OR2I1: variants seen among roughly 807,000 people sequenced by gnomAD.
OR2I1 encodes the protein olfactory receptor family 2 subfamily I member 1 (gene/pseudogene).
At chr6:29,555,815 C>A in the OR2I1 span, 1 of 1,297,978 alleles carries the variant, frequency 7.7e-7, no homozygotes, top group South Asian at 1.3e-5. Context: ...AAGATGTGTT[C>A]GTTGAGTAAG....
the OR2I1 span, among the ~76,000 whole-genome samples, chr6:29,552,139 T>C: frequency 5.3e-5 from 8 of 152,330 alleles, no homozygotes; most frequent in Non-Finnish European, 8.8e-5. Context: ...AACAAGACCC[T>C]TGGAGAATGA....
chr6:29,552,405 T>C, the OR2I1 span, among the ~76,000 whole-genome samples: 1 of 152,206 alleles, frequency 6.6e-6, no homozygotes, highest in Non-Finnish European at 1.5e-5. Context: ...CTACCCAACT[T>C]ATTCCTGATT....
chr6:29,556,186 T>C, the OR2I1 span: 23 of 1,612,980 alleles, frequency 1.4e-5, no homozygotes, highest in Non-Finnish European at 1.8e-5. Context: ...TGCCATAAGA[T>C]GAGAGGCTTC....
At chr6:29,556,368 C>T in the OR2I1 span, 1 of 1,595,710 alleles carries the variant, frequency 6.3e-7, no homozygotes, top group South Asian at 1.1e-5. Flanking sequence ...GTGAAAGCCA[C>T]AAGACAGTTA....
At chr6:29,551,531 T>G in the OR2I1 span, among the ~76,000 whole-genome samples, 3 of 152,370 alleles carry the variant, frequency 2.0e-5, no homozygotes, top group East Asian at 5.8e-4. Flanking sequence ...TTAGAGTTAA[T>G]AAATGAAAAG....
chr6:29,554,727 T>A, the OR2I1 span: 1 of 152,154 alleles, frequency 6.6e-6, no homozygotes, highest in Non-Finnish European at 1.5e-5. Flanking sequence ...CTGCAGGAGT[T>A]GGTTCTTGAG....
the OR2I1 span, among the ~76,000 whole-genome samples, chr6:29,551,783 C>T: frequency 6.6e-6 from 1 of 152,272 alleles, no homozygotes; most frequent in Non-Finnish European, 1.5e-5. Flanking sequence ...CAAGGTTTTC[C>T]AGCTAGAAAA....
chr6:29,556,193 C>T, the OR2I1 span: 2 of 1,613,088 alleles, frequency 1.2e-6, no homozygotes, highest in Non-Finnish European at 1.7e-6. Context: ...AGATGAGAGG[C>T]TTCTCCGTGG....
At chr6:29,557,405 C>T in the OR2I1 span, 1 of 152,184 alleles carries the variant, frequency 6.6e-6, no homozygotes, top group East Asian at 1.9e-4. Context: ...CTGGTTCTGG[C>T]TAGTTTACAG....
At chr6:29,555,846 T>G in the OR2I1 span, 1 of 1,556,186 alleles carries the variant, frequency 6.4e-7, no homozygotes, top group South Asian at 1.1e-5. Context: ...AAATAAGCTT[T>G]TTGACCCCTG....
At chr6:29,552,921 C>A in the OR2I1 span, 1 of 243,296 alleles carries the variant, frequency 4.1e-6, no homozygotes, top group Non-Finnish European at 7.8e-6. Flanking sequence ...CTTCTGGCCT[C>A]GTCTCCATTT....
At chr6:29,554,723 G>A in the OR2I1 span, 1 of 152,180 alleles carries the variant, frequency 6.6e-6, no homozygotes, top group African/African-American at 2.4e-5. Flanking sequence ...CCCCCTGCAG[G>A]AGTTGGTTCT....
chr6:29,555,179 A>C, the OR2I1 span: 3 of 152,238 alleles, frequency 2.0e-5, no homozygotes, highest in African/African-American at 7.2e-5. Flanking sequence ...GAATTGCTAG[A>C]TCCCTGTGGA....
At chr6:29,554,926 G>T in the OR2I1 span, 1 of 152,276 alleles carries the variant, frequency 6.6e-6, no homozygotes, top group Non-Finnish European at 1.5e-5. Context: ...CAGGAACAGG[G>T]ATCTCCTCAT....
the OR2I1 span, chr6:29,555,660 G>A: frequency 1.8e-6 from 1 of 565,368 alleles, no homozygotes; most frequent in South Asian, 2.6e-5. Flanking sequence ...ACTAGTCTCA[G>A]TAATACATTA....
the OR2I1 span, chr6:29,556,671 A>T: frequency 1.5e-5 from 5 of 325,450 alleles, no homozygotes; most frequent in Non-Finnish European, 2.8e-5. Context: ...AAACTTAGTC[A>T]TTGGGCCAAG....
chr6:29,556,163 T>G, the OR2I1 span: 2 of 1,613,006 alleles, frequency 1.2e-6, no homozygotes, highest in South Asian at 1.1e-5. Context: ...GTGGATGGTC[T>G]TCTCTTTGTC....
the OR2I1 span, among the ~76,000 whole-genome samples, chr6:29,551,657 G>A: frequency 6.6e-6 from 1 of 151,644 alleles, no homozygotes; most frequent in Non-Finnish European, 1.5e-5. Flanking sequence ...AAGGATGACA[G>A]TTAACAACTG....
At chr6:29,551,575 C>T in the OR2I1 span, among the ~76,000 whole-genome samples, 27 of 152,302 alleles carry the variant, frequency 1.8e-4, no homozygotes, top group South Asian at 4.1e-3. Context: ...GTATCACTGC[C>T]TAGCATAAGA....
Sources: gnomAD v4.1 joint callset for allele counts (sites outside exome capture counted in the v4.1 genomes callset) on GRCh38, gnomAD v4.1.1 for gene constraint, MANE v1.5 for transcripts, NCBI Gene and HGNC (gene_info 2026-07-23, HGNC 2026-07-21) for gene names.